Variants in CPAMD8 observed in about 807,000 individuals in gnomAD.
The protein encoded by CPAMD8 is C3 and PZP like alpha-2-macroglobulin domain containing 8.
In CPAMD8, 146 loss-of-function variants were observed where a neutral mutation model predicts 224.7. The observed-to-expected ratio is 0.65, with a 90% CI of 0.57 to 0.75. The LOEUF is 0.75. Among genes scored for constraint, CPAMD8 ranks in the 30% least tolerant of loss-of-function variants. CPAMD8 has a pLI of 0.00. For synonymous variants in CPAMD8, 966 were observed against 1,044.6 expected (o/e 0.92, Z 1.45); for missense variants, 2,301 against 2,537.5 (o/e 0.91, Z 2.00).
rs559214843 is a variant in CPAMD8, at chr19:16,926,304, CTTTATTTTAT to C, written c.3371-942_3371-933del. 1.5e-3 allele frequency among the ~76,000 whole-genome samples: 228 copies of C among 150,554 alleles called. 1 individual carries two copies. Among genetic ancestry groups the C allele is most frequent in the Middle Eastern group, 6.8e-3 (2 of 294 alleles). ...TCCCCTGAACACACCTTCTTTCCTT[CTTTATTTTAT>C]TTTATTTTATTTTATTTATTTTTAG... On this transcript the variant is annotated intron_variant, in intron 25 of 41. Transcript: ENST00000443236.
intron 18 of CPAMD8, among the ~76,000 whole-genome samples, chr19:16,969,764 C>T (rs1176045203): frequency 6.6e-6 from 1 of 151,390 alleles, no homozygotes; most frequent in East Asian, 1.9e-4. Context: ...ATCCCAGCTA[C>T]TCAGGAGGCT....
chr19:16,976,857 C>G lies in CPAMD8; in HGVS notation c.1758+511G>C, dbSNP rs569185329. Among the ~76,000 whole-genome samples the G allele has an allele frequency of 1.1e-3, 172 of 152,176 alleles. 1 individual carries two copies. The highest frequency in any genetic ancestry group is 1.7e-3 in the Non-Finnish European group (118 of 68,014). On this transcript the variant is annotated intron_variant, in intron 15 of 41. Transcript: ENST00000443236. Reference sequence around the variant, plus strand: ...AGGAGTTCAAGACCAGCCTGGCCAACATGGTGAAACCCCATCTCTACTAAA... The same window carrying G: ...AGGAGTTCAAGACCAGCCTGGCCAAGATGGTGAAACCCCATCTCTACTAAA...
intron 2 of CPAMD8, 98 bp downstream of exon 2, chr19:17,021,932 G>A (rs1208705559): frequency 7.4e-6 from 6 of 809,838 alleles, no homozygotes; most frequent in African/African-American, 1.8e-5. Context: ...CAGAAGGGAA[G>A]CAAAGCAACA....
chr19:17,024,970 G>C (rs546006731), intron 1 of CPAMD8, among the ~76,000 whole-genome samples: 1 of 152,216 alleles, frequency 6.6e-6, no homozygotes, highest in Non-Finnish European at 1.5e-5. Flanking sequence ...TGGCTTAGAG[G>C]CCAGCTAATC....
Position 16,907,066 on chromosome 19 carries a change from G to A in CPAMD8, c.3913C>T (p.Pro1305Ser), listed in dbSNP as rs2052547521. 4 of 1,600,976 alleles carry A rather than the reference G, an allele frequency of 2.5e-6. No homozygotes were observed. Among genetic ancestry groups the A allele is most frequent in the Non-Finnish European group, 3.4e-6 (4 of 1,173,332 alleles). ...CAGCTATAAGGGTCCATGGCCAGGGGCGCAGCAGACTCCAGGAAGTGCCTC... is the reference window on the plus strand; with the variant it reads ...CAGCTATAAGGGTCCATGGCCAGGGACGCAGCAGACTCCAGGAAGTGCCTC... ...KARHFLESAA[P>S]LAMDPYSCAL... The change falls in exon 30 of 42, where the codon CCC becomes TCC. Residue 1305 changes from proline (P) to serine (S), a missense_variant. Physicochemically the swap from Pro to Ser is moderately conservative, Grantham distance 74. This residue lies in a region of CPAMD8 where 1,709 missense variants were observed against 1,753.2 expected (regional missense o/e 0.97). Transcript: ENST00000443236.
chr19:17,002,008 G>A (rs2056340705), intron 9 of CPAMD8, among the ~76,000 whole-genome samples: 1 of 151,310 alleles, frequency 6.6e-6, no homozygotes, highest in African/African-American at 2.4e-5. Flanking sequence ...CCACAGGGGA[G>A]GAGCCTGGTG....
rs761365393 is a variant in CPAMD8 at position 16,902,761 on chromosome 19, G to T, written c.4573C>A (p.Pro1525Thr). The T allele has an allele frequency of 5.0e-6, 8 of 1,594,238 alleles. No individual in the cohort carries two copies. Among genetic ancestry groups the T allele is most frequent in the South Asian group, 3.3e-5 (3 of 89,722 alleles). Reference sequence around the variant, plus strand: ...CGGGAACCCTCAGCTGCGGAGGCAGGCATGGGGGGCGGGCGTCCCTGGGCC... The same window carrying T: ...CGGGAACCCTCAGCTGCGGAGGCAGTCATGGGGGGCGGGCGTCCCTGGGCC... ...PEAQGRPPPM[P>T]ASAAEGSRGD... The change falls in exon 35 of 42, where the codon CCT becomes ACT. Residue 1525 changes from proline to threonine, a missense_variant. Physicochemically the swap from Pro to Thr is conservative, Grantham distance 38. Transcript: ENST00000443236.
chr19:16,975,240 C>T lies in CPAMD8; in HGVS notation c.1927G>A (p.Asp643Asn). 6.2e-7 allele frequency: 1 copy of T among 1,605,174 alleles called. No homozygotes were observed. The highest frequency in any genetic ancestry group is 8.5e-7 in the Non-Finnish European group (1 of 1,175,458). ...CCAAAGGAATCAGAAACATCATAAT[C>T]TTCCAGTTCCTGGAAAACCTGCAGG... ...TPAQVFQELE[D>N]YDVSDSFGVS... The change falls in exon 17 of 42, where the codon GAT (aspartate) becomes AAT (asparagine). Residue 643 changes from aspartate to asparagine, a missense_variant. Asp to Asn is a conservative substitution (Grantham distance 23). Coordinates refer to ENST00000443236, the MANE Select transcript of CPAMD8 (RefSeq NM_015692.5).
At chr19:17,020,132 G>A (rs1158502415) in intron 3 of CPAMD8, among the ~76,000 whole-genome samples, 199 bp downstream of exon 3, 7 of 151,442 alleles carry the variant, frequency 4.6e-5, no homozygotes, top group African/African-American at 1.7e-4. Context: ...GTGCCACCAC[G>A]CCTGGCTAAT....
intron 22 of CPAMD8, among the ~76,000 whole-genome samples, chr19:16,942,964 T>C (rs1053150868): frequency 6.6e-6 from 1 of 152,080 alleles, no homozygotes; most frequent in East Asian, 1.9e-4. Flanking sequence ...AATTGAATCA[T>C]ACACCATGTG....
Position 16,989,638 on chromosome 19 carries a change from C to G in CPAMD8, c.1395+5G>C, listed in dbSNP as rs761428149. ...CCCAGGAAGGGTAGCTCCTGAAAAT[C>G]TTACCTGCAGTGGGTGGGAGGGTGG... On this transcript the variant is annotated splice_donor_5th_base_variant and intron_variant, in intron 13 of 41. Transcript: ENST00000443236. 2.2e-5 allele frequency: 35 copies of G among 1,612,700 alleles called. No homozygotes were observed. Among genetic ancestry groups the G allele is most frequent in the Admixed American group, 1.7e-5 (1 of 59,812 alleles).
chr19:16,986,017 G>C (rs543308017), intron 13 of CPAMD8, among the ~76,000 whole-genome samples: 3 of 151,958 alleles, frequency 2.0e-5, no homozygotes, highest in Non-Finnish European at 1.5e-5. Flanking sequence ...TTGAGATCTT[G>C]GGGGGAAAAG....
Position 16,899,891 on chromosome 19 carries a change from G to A in CPAMD8, c.4774-342C>T, listed in dbSNP as rs183047174. Among the ~76,000 whole-genome samples, 308 of 143,320 alleles carry A rather than the reference G, an allele frequency of 2.1e-3. 3 individuals are homozygous for A. The highest frequency in any genetic ancestry group is 7.2e-3 in the African/African-American group (283 of 39,070). The allele number at this position is 143,320 out of a possible 152,430, so 94.0% of individuals were successfully genotyped here. A position where few individuals can be genotyped will look rare whatever the true frequency, so the allele number is the denominator to read the frequency against. On this transcript the variant is annotated intron_variant, in intron 36 of 41. Transcript: ENST00000443236. The surrounding 1 kb of genome is among the most constrained non-coding windows in gnomAD (Gnocchi z 5.4). ...CTGCACTGTTCAAGTTCCCCTCCCA[G>A]CCTGGGATTTTTTTTTTTTTTTCAG...
chr19:16,937,493 T>G (rs1331196831), intron 23 of CPAMD8, among the ~76,000 whole-genome samples: 3 of 151,996 alleles, frequency 2.0e-5, no homozygotes, highest in Non-Finnish European at 4.4e-5. Context: ...GTTGTTGTTT[T>G]GAGACGGAGT....
intron 27 of CPAMD8, among the ~76,000 whole-genome samples, chr19:16,918,747 CT>C (rs3029467): frequency 0.047 from 5,989 of 127,392 alleles, 367 homozygotes; most frequent in African/African-American, 0.17. Flanking sequence ...CACACCCAGA[CT>C]TTTTTTTTTT....
At chr19:16,916,360 T>TGAGTAGCTGGGATTACAGCCTCCC (rs1049544801) in intron 27 of CPAMD8, among the ~76,000 whole-genome samples, 8 of 151,872 alleles carry the variant, frequency 5.3e-5, no homozygotes, top group African/African-American at 1.2e-4. Context: ...CTCAGCCTCC[T>TGAGTAGCTGGGATTACAGCCTCCC]GAGTAGCTGG....
chr19:16,903,665 CCAA>C, intron 33 of CPAMD8, 34 bp downstream of exon 33: 1 of 1,614,026 alleles, frequency 6.2e-7, no homozygotes, highest in African/African-American at 1.3e-5. Context: ...GACCCCTCCT[CCAA>C]CAACCCCCAA....
At chr19:16,902,152 G>A (rs1471881503) in intron 35 of CPAMD8, among the ~76,000 whole-genome samples, 3 of 151,986 alleles carry the variant, frequency 2.0e-5, no homozygotes, top group Non-Finnish European at 4.4e-5. Flanking sequence ...GCCACACATC[G>A]CTGTCCCCAT....
intron 32 of CPAMD8, among the ~76,000 whole-genome samples, 169 bp from the exon 33 acceptor site, chr19:16,904,026 G>T (rs897736899): frequency 2.0e-5 from 3 of 152,220 alleles, no homozygotes; most frequent in Non-Finnish European, 4.4e-5. Context: ...AGCCAGGTTG[G>T]TGTGTCCCCA....
Sources: allele counts gnomAD v4.1 joint callset (sites outside exome capture counted in the v4.1 genomes callset), GRCh38; gene constraint gnomAD v4.1.1; regional missense constraint gnomAD v4.1.1; non-coding constraint Gnocchi (gnomAD v3.1); transcripts MANE v1.5; gene names NCBI Gene and HGNC (gene_info 2026-07-23, HGNC 2026-07-21).